Variants in FLNB observed in about 807,000 individuals in gnomAD.
The protein encoded by FLNB is filamin-B.
A neutral mutation model predicts 250.6 loss-of-function variants in FLNB; 111 were observed. That is an observed-to-expected ratio of 0.44 (90% CI 0.38 to 0.52). The LOEUF (loss-of-function observed/expected upper bound fraction) is 0.52, where lower values mean the gene tolerates loss of function less well. FLNB is among the 20% of genes least tolerant of loss of function. FLNB has a pLI of 0.00. For missense variants in FLNB, 2,869 were observed against 3,447.8 expected, an observed-to-expected ratio of 0.83 and a Z score of 4.20; for synonymous variants, 1,302 against 1,372.1, an observed-to-expected ratio of 0.95 and a Z score of 1.13.
At chr3:58,137,242 C>T (rs951903213) in intron 28 of FLNB, among the ~76,000 whole-genome samples, 6 of 152,160 alleles carry the variant, frequency 3.9e-5, no homozygotes, top group Non-Finnish European at 7.4e-5. Flanking sequence ...AATTGCTCAG[C>T]GTGGCCCTTT....
intron 1 of FLNB, among the ~76,000 whole-genome samples, chr3:58,027,744 G>A (rs1416045284): frequency 6.6e-6 from 1 of 152,102 alleles, no homozygotes; most frequent in East Asian, 1.9e-4. Flanking sequence ...ATATCCCACG[G>A]CTGTCTCTAT....
intron 25 of FLNB, 182 bp from the exon 26 acceptor site, chr3:58,132,626 A>G: frequency 2.8e-6 from 2 of 725,336 alleles, no homozygotes; most frequent in Non-Finnish European, 4.8e-6. Context: ...CATTTCTGCA[A>G]CCATGAATTG....
intron 1 of FLNB, among the ~76,000 whole-genome samples, chr3:58,046,474 C>A: frequency 6.9e-6 from 1 of 144,646 alleles, no homozygotes; most frequent in East Asian, 2.0e-4. Flanking sequence ...TTTTTGGAGA[C>A]GGAGTCTTAC....
At chr3:58,095,577 G>C (rs1239547663) in intron 5 of FLNB, among the ~76,000 whole-genome samples, 3 of 152,144 alleles carry the variant, frequency 2.0e-5, no homozygotes, top group Non-Finnish European at 4.4e-5. Flanking sequence ...TTTATATACT[G>C]ATGGCCAGAA....
chr3:58,107,011 A>C (rs530035151), intron 12 of FLNB, 138 bp downstream of exon 12: 1 of 721,036 alleles, frequency 1.4e-6, no homozygotes, highest in East Asian at 2.7e-5. Flanking sequence ...ACAGGCCTGC[A>C]TTTGTTTGTT....
chr3:58,019,625 A>C (rs1316822967), intron 1 of FLNB, among the ~76,000 whole-genome samples: 1 of 152,172 alleles, frequency 6.6e-6, no homozygotes, highest in Non-Finnish European at 1.5e-5. Context: ...AAAGTAAAAT[A>C]GATATATTGT....
intron 24 of FLNB, among the ~76,000 whole-genome samples, chr3:58,129,306 T>C (rs1006116366): frequency 6.6e-6 from 1 of 152,314 alleles, no homozygotes; most frequent in Middle Eastern, 3.4e-3. Flanking sequence ...GACATGTGTC[T>C]GGGCATGGAA....
chr3:58,090,179 C>G (rs116646308), intron 4 of FLNB, among the ~76,000 whole-genome samples: 372 of 150,550 alleles, frequency 2.5e-3, no homozygotes, highest in African/African-American at 8.8e-3. Flanking sequence ...ACACATTAGT[C>G]TAGACTTACA....
intron 1 of FLNB, among the ~76,000 whole-genome samples, chr3:58,048,562 T>TA (rs1487254426): frequency 2.6e-5 from 4 of 152,256 alleles, no homozygotes; most frequent in Non-Finnish European, 5.9e-5. Flanking sequence ...TTTGTCCTGT[T>TA]ACTTCGTGGT....
At chr3:58,077,381 T>C in intron 2 of FLNB, 87 bp downstream of exon 2, 1 of 1,486,996 alleles carries the variant, frequency 6.7e-7, no homozygotes. Flanking sequence ...GAATGCTATC[T>C]TTGCTTTGAT....
intron 16 of FLNB, among the ~76,000 whole-genome samples, chr3:58,111,429 C>T (rs2097268465): frequency 6.6e-6 from 1 of 152,194 alleles, no homozygotes; most frequent in Non-Finnish European, 1.5e-5. Flanking sequence ...GACCTTAGCT[C>T]TCAGCTGTCC....
chr3:58,026,141 C>G (rs944310031), intron 1 of FLNB, among the ~76,000 whole-genome samples: 3 of 152,160 alleles, frequency 2.0e-5, no homozygotes, highest in Admixed American at 6.5e-5. Flanking sequence ...CATGGGCTAC[C>G]GCTTCTCTTT....
At chr3:58,155,857 G>T in intron 40 of FLNB, 103 bp from the exon 41 acceptor site, 1 of 765,766 alleles carries the variant, frequency 1.3e-6, no homozygotes. Context: ...TGGCCATTGA[G>T]GAGGGCTGGG....
intron 1 of FLNB, among the ~76,000 whole-genome samples, chr3:58,074,818 T>C (rs896218655): frequency 4.6e-5 from 7 of 152,226 alleles, no homozygotes; most frequent in Non-Finnish European, 8.8e-5. Context: ...GAGAAAGTCC[T>C]TGGGAACCTT....
intron 4 of FLNB, among the ~76,000 whole-genome samples, chr3:58,090,548 A>C (rs535498758): frequency 1.3e-5 from 2 of 152,200 alleles, no homozygotes; most frequent in Non-Finnish European, 2.9e-5. Flanking sequence ...TCACAAATAC[A>C]TGAGTAATGC....
At chr3:58,079,725 C>G (rs1242866101) in intron 3 of FLNB, among the ~76,000 whole-genome samples, 1 of 152,178 alleles carries the variant, frequency 6.6e-6, no homozygotes, top group African/African-American at 2.4e-5. Flanking sequence ...GTCTGATCTT[C>G]CTAGCTGGGA....
At chr3:58,030,311 T>A (rs182124046) in intron 1 of FLNB, among the ~76,000 whole-genome samples, 14 of 152,310 alleles carry the variant, frequency 9.2e-5, no homozygotes, top group African/African-American at 3.4e-4. Flanking sequence ...AATGATTGGC[T>A]CATGTCAGCA....
chr3:58,134,876 AGTTGTTT>A, intron 27 of FLNB, 104 bp downstream of exon 27: 1 of 1,086,112 alleles, frequency 9.2e-7, no homozygotes, highest in Non-Finnish European at 1.4e-6. Context: ...ACTCAATGCA[AGTTGTTT>A]GTTAGATTTT....
At chr3:58,032,085 C>T (rs960223412) in intron 1 of FLNB, among the ~76,000 whole-genome samples, 1 of 151,848 alleles carries the variant, frequency 6.6e-6, no homozygotes, top group Non-Finnish European at 1.5e-5. Flanking sequence ...TGTGCCACCA[C>T]ACCTGACTAA....
Sources: gnomAD v4.1 joint callset for allele counts (sites outside exome capture counted in the v4.1 genomes callset) on GRCh38, gnomAD v4.1.1 for gene constraint, MANE v1.5 for transcripts, NCBI Gene and HGNC (gene_info 2026-07-23, HGNC 2026-07-21) for gene names.